The following TMEM92 variants were observed in gnomAD, a reference collection of about 807,000 sequenced individuals.
The protein encoded by TMEM92 is transmembrane protein 92.
Under a neutral mutation model 14.6 loss-of-function variants are expected in TMEM92, and 15 were observed. The observed-to-expected ratio is 1.03, with a 90% CI of 0.69 to 1.58. The LOEUF (loss-of-function observed/expected upper bound fraction) is 1.58, where lower values mean the gene tolerates loss of function less well. Among genes scored for constraint, TMEM92 ranks in the 40% most tolerant of loss-of-function variants. The pLI, the probability that TMEM92 is intolerant of heterozygous loss-of-function variation, is 0.00. For synonymous variants in TMEM92, 85 were observed against 83.3 expected (o/e 1.02, Z -0.11); for missense variants, 174 against 202.4 (o/e 0.86, Z 0.85).
intron 2 of TMEM92, 25 bp downstream of exon 2, chr17:50,277,765 A>T (rs1282794338): frequency 6.2e-7 from 1 of 1,613,752 alleles, no homozygotes; most frequent in Non-Finnish European, 8.5e-7. Context: ...CATAACTTCC[A>T]ATCTGGGGAG....
chr17:50,275,994 G>A (rs1316469256), intron 1 of TMEM92, among the ~76,000 whole-genome samples: 1 of 152,088 alleles, frequency 6.6e-6, no homozygotes, highest in Non-Finnish European at 1.5e-5. Context: ...AGCCAGGCAT[G>A]GTGGCACGTG....
intron 1 of TMEM92, 117 bp from the exon 2 acceptor site, chr17:50,277,598 C>T: frequency 8.2e-7 from 1 of 1,219,494 alleles, no homozygotes; most frequent in East Asian, 2.3e-5. Context: ...CAGGAAGAGG[C>T]TGAGTCTACT....
chr17:50,277,473 A>AC (rs1454957229), intron 1 of TMEM92, among the ~76,000 whole-genome samples: 1 of 151,290 alleles, frequency 6.6e-6, no homozygotes, highest in African/African-American at 2.4e-5. Flanking sequence ...GAGCTTACAA[A>AC]CCCGGGGGTG....
chr17:50,272,231 C>T (rs967097668), upstream of TMEM92, among the ~76,000 whole-genome samples: 2 of 152,026 alleles, frequency 1.3e-5, no homozygotes, highest in African/African-American at 4.8e-5. Context: ...CTAGTTCCCT[C>T]ACCCCCACTC....
chr17:50,279,644 C>T lies in TMEM92; in HGVS notation c.*336C>T, dbSNP rs1910553198. ...ATTTCTGGAGGTATGCAAATCTTGA[C>T]TGGACAGCCAGCTCTGAGATTTTAT... is the stretch of plus-strand genomic sequence containing the variant. On this transcript the variant is annotated 3_prime_UTR_variant, in exon 5 of 5. Transcript: ENST00000507382. 2 of 318,212 alleles carry T rather than the reference C, an allele frequency of 6.3e-6. No homozygotes were observed. Among genetic ancestry groups the T allele is most frequent in the Non-Finnish European group, 1.2e-5 (2 of 167,990 alleles). 19.7% of individuals were successfully genotyped at this position (318,212 alleles called of 1,614,324 possible). A position where few individuals can be genotyped will look rare whatever the true frequency, so the allele number is the denominator to read the frequency against.
At chr17:50,273,079 G>C (rs918302577), upstream of TMEM92, among the ~76,000 whole-genome samples, 1 of 152,160 alleles carries the variant, frequency 6.6e-6, no homozygotes, top group Non-Finnish European at 1.5e-5. Context: ...GACGTCGGGG[G>C]TGTTTTTCAG....
Position 50,279,690 on chromosome 17 carries a change from G to T in TMEM92, c.*382G>T. 3.6e-6 allele frequency: 1 copy of T among 281,274 alleles called. No homozygotes were observed. Among genetic ancestry groups the T allele is most frequent in the South Asian group, 3.1e-5 (1 of 31,984 alleles). 17.4% of individuals were successfully genotyped at this position (281,274 alleles called of 1,614,324 possible). A position where few individuals can be genotyped will look rare whatever the true frequency, so the allele number is the denominator to read the frequency against. On this transcript the variant is annotated 3_prime_UTR_variant, in exon 5 of 5. Coordinates refer to ENST00000507382, the MANE Select transcript of TMEM92 (RefSeq NM_153229.3). ...TTTATCAGGGCACTTCTATACCTGT[G>T]GGACATTGGACTGGATGAGCCCTGA...
chr17:50,275,865 C>T (rs763665456), intron 1 of TMEM92, among the ~76,000 whole-genome samples: 5 of 152,048 alleles, frequency 3.3e-5, no homozygotes, highest in Non-Finnish European at 5.9e-5. Flanking sequence ...AGAGGCCAGG[C>T]GCAGTGGCTC....
At chr17:50,273,969 G>GTTAT (rs3062755), upstream of TMEM92, among the ~76,000 whole-genome samples, 946 of 150,384 alleles carry the variant, frequency 6.3e-3, 4 homozygotes, top group African/African-American at 0.021. Flanking sequence ...TTAAATTTAG[G>GTTAT]TTATTTATTT....
chr17:50,273,969 G>GTTACTTATTTAT (rs1054996237), upstream of TMEM92, among the ~76,000 whole-genome samples: 2 of 150,278 alleles, frequency 1.3e-5, no homozygotes, highest in Non-Finnish European at 3.0e-5. Context: ...TTAAATTTAG[G>GTTACTTATTTAT]TTATTTATTT....
At chr17:50,274,102 C>T (rs1910337211), upstream of TMEM92, among the ~76,000 whole-genome samples, 1 of 152,134 alleles carries the variant, frequency 6.6e-6, no homozygotes, top group Non-Finnish European at 1.5e-5. Flanking sequence ...CCTCAGGCTC[C>T]TGAGTAGTTG....
chr17:50,278,407 C>T, intron 2 of TMEM92, 149 bp from the exon 3 acceptor site: 1 of 794,086 alleles, frequency 1.3e-6, no homozygotes. Context: ...TCCTACTGAG[C>T]TCAGAGCGGG....
upstream of TMEM92, among the ~76,000 whole-genome samples, chr17:50,274,135 C>T (rs191813272): frequency 4.1e-5 from 6 of 146,930 alleles, no homozygotes; most frequent in South Asian, 2.3e-4. Context: ...CCCGCCACCA[C>T]GCCCGGCTAA....
upstream of TMEM92, among the ~76,000 whole-genome samples, chr17:50,272,824 C>G (rs1273062469): frequency 6.6e-6 from 1 of 151,780 alleles, no homozygotes; most frequent in Non-Finnish European, 1.5e-5. Flanking sequence ...GAAAAACAGA[C>G]GCCTCCGCCG....
chr17:50,277,090 G>A (rs1326011200), intron 1 of TMEM92, among the ~76,000 whole-genome samples: 1 of 152,180 alleles, frequency 6.6e-6, no homozygotes, highest in African/African-American at 2.4e-5. Context: ...GATTTGGGAG[G>A]CGGGGTCCTG....
chr17:50,277,474 C>T (rs1252713614), intron 1 of TMEM92, among the ~76,000 whole-genome samples: 3 of 151,610 alleles, frequency 2.0e-5, no homozygotes, highest in Non-Finnish European at 4.4e-5. Flanking sequence ...AGCTTACAAA[C>T]CCGGGGGTGA....
At chr17:50,274,014 C>G (rs573373657), upstream of TMEM92, among the ~76,000 whole-genome samples, 10 of 152,124 alleles carry the variant, frequency 6.6e-5, no homozygotes, top group South Asian at 1.2e-3. Context: ...AGTCTCACTC[C>G]GTCGCCCAGG....
chr17:50,278,756 G>A (rs1397982282), intron 3 of TMEM92, 45 bp from the exon 4 acceptor site: 2 of 1,579,428 alleles, frequency 1.3e-6, no homozygotes, highest in East Asian at 2.2e-5. Context: ...GGAGTCCCCA[G>A]GGTGGCCTGG....
chr17:50,274,234 C>T (rs1034803974), upstream of TMEM92, among the ~76,000 whole-genome samples: 4 of 152,124 alleles, frequency 2.6e-5, no homozygotes, highest in Admixed American at 2.6e-4. Context: ...TCCCAAAGTG[C>T]TGGTATTACA....
Sources: gnomAD v4.1 joint callset for allele counts (sites outside exome capture counted in the v4.1 genomes callset) on GRCh38, gnomAD v4.1.1 for gene constraint, MANE v1.5 for transcripts, NCBI Gene and HGNC (gene_info 2026-07-23, HGNC 2026-07-21) for gene names.